Variants in TTC21A observed in about 807,000 individuals in gnomAD.
The protein encoded by TTC21A is tetratricopeptide repeat domain 21A, also known as tetratricopeptide repeat protein 21A.
A neutral mutation model predicts 156.4 loss-of-function variants in TTC21A; 128 were observed. That is an observed-to-expected ratio of 0.82 (90% confidence interval 0.71 to 0.95). TTC21A has a LOEUF of 0.95. Among genes scored for constraint, TTC21A ranks in the 40% least tolerant of loss-of-function variants. The pLI is 0.00. For synonymous variants in TTC21A, 587 were observed against 617.1 expected (o/e 0.95, Z 0.72); for missense variants, 1,435 against 1,602.3 (o/e 0.90, Z 1.78).
Position 39,137,474 on chromosome 3 carries a change from C to T in TTC21A, c.3451-12C>T. On this transcript the variant is annotated splice_polypyrimidine_tract_variant and intron_variant, in intron 25 of 28. Transcript: ENST00000683103. ...AACACGTGCTGACGTCCACTTCCTACCTGGTGTGTAGAAGGACAGCGTCCC... is the reference window on the plus strand; with the variant it reads ...AACACGTGCTGACGTCCACTTCCTATCTGGTGTGTAGAAGGACAGCGTCCC... The T allele has an allele frequency of 6.2e-7, 1 of 1,613,908 alleles. No homozygotes were observed. The highest frequency in any genetic ancestry group is 8.5e-7 in the Non-Finnish European group (1 of 1,179,774).
At position 39,136,493 on chromosome 3, in the gene TTC21A, A is replaced by C; in HGVS notation, c.3081A>C (p.Arg1027Ser). Residue 1027 changes from arginine to serine, a missense_variant, in exon 23 of 29, where the codon AGA (arginine) becomes AGC (serine). By Grantham distance (110) the Arg-to-Ser change is moderately radical (BLOSUM62 -1). Transcript: ENST00000683103. ...VPLEPGFNYC[R>S]GIYCWHIGQP... ...TGGAACCAGGGTTCAATTACTGCAG[A>C]GGTATCTACTGCTGGTGAGTTGGGT... 6.2e-7 allele frequency: 1 copy of C among 1,614,146 alleles called. No individual in the cohort carries two copies. Among genetic ancestry groups the C allele is most frequent in the Non-Finnish European group, 8.5e-7 (1 of 1,179,998 alleles).
chr3:39,135,039 C>G, intron 21 of TTC21A, 54 bp from the exon 22 acceptor site: 1 of 1,469,380 alleles, frequency 6.8e-7, no homozygotes, highest in African/African-American at 1.4e-5. Context: ...TCCCCCTACA[C>G]CCATGCAAGC....
At chr3:39,109,622 T>A (rs188896396) in intron 2 of TTC21A, among the ~76,000 whole-genome samples, 5 of 152,188 alleles carry the variant, frequency 3.3e-5, no homozygotes, top group Admixed American at 2.6e-4. Flanking sequence ...GGGCTGACAT[T>A]CAGAAGGTGG....
At position 39,133,194 on chromosome 3, in the gene TTC21A, T is replaced by C; in HGVS notation, c.2705T>C (p.Val902Ala). Reference protein sequence around the residue: ...YLAEKEYDKAVQSYKDVFSYL... With the variant: ...YLAEKEYDKAAQSYKDVFSYL... ...GCAGAGAAAGAGTATGACAAGGCGG[T>C]ACAGTCTTATAAGGATGTCTTCTCC... Residue 902 changes from valine (V) to alanine (A), a missense_variant, in exon 20 of 29, where the codon GTA becomes GCA. Transcript: ENST00000683103. 6.2e-7 allele frequency: 1 copy of C among 1,614,208 alleles called. No homozygotes were observed. Among genetic ancestry groups the C allele is most frequent in the Non-Finnish European group, 8.5e-7 (1 of 1,180,046 alleles).
In TTC21A at chr3:39,121,050, C is replaced by T. The variant is rs751399928; in HGVS notation, c.954C>T (p.Thr318=). The change falls in exon 9 of 29, where the codon ACC becomes ACT. Residue 318 remains threonine (T), a synonymous_variant. Coordinates refer to ENST00000683103, the MANE Select transcript of TTC21A (RefSeq NM_001366900.1). Reference sequence around the variant, plus strand: ...TAGTGTGTAGTTTCATCGAGCGCACCTTCATGGCCACCCCCTCGTATGTCC... The same window carrying T: ...TAGTGTGTAGTTTCATCGAGCGCACTTTCATGGCCACCCCCTCGTATGTCC... ...LGLVCSFIER[T]FMATPSYVHV... The T allele has an allele frequency of 3.7e-6, 6 of 1,613,880 alleles. No homozygotes were observed. Among genetic ancestry groups the T allele is most frequent in the Middle Eastern group, 1.6e-4 (1 of 6,062 alleles).
chr3:39,136,374 C>T lies in TTC21A; in HGVS notation c.2962C>T (p.His988Tyr). ...TATTTTAGACAATTTTTTGGTATTG[C>T]ATAAATTAATCGATCTGCTAAGAAG... ...EKAPDNFLVL[H>Y]KLIDLLRRSG... The change falls in exon 23 of 29, where the codon CAT becomes TAT. Residue 988 changes from histidine (H) to tyrosine (Y), a missense_variant. Physicochemically the swap from His to Tyr is moderately conservative, Grantham distance 83 (BLOSUM62 2). Transcript: ENST00000683103. 1 of 1,612,986 alleles carries T rather than the reference C, an allele frequency of 6.2e-7. No individual in the cohort carries two copies. Among genetic ancestry groups the T allele is most frequent in the African/African-American group, 1.3e-5 (1 of 74,954 alleles).
intron 7 of TTC21A, 45 bp from the exon 8 acceptor site, chr3:39,119,877 G>C (rs952913355): frequency 7.2e-7 from 1 of 1,396,104 alleles, no homozygotes; most frequent in African/African-American, 1.5e-5. Flanking sequence ...GCGCAACTCT[G>C]ACCTTGCACC....
rs2038695208 is a variant in TTC21A at position 39,131,071 on chromosome 3, A to T, written c.2538A>T (p.Glu846Asp). Residue 846 changes from glutamate to aspartate, a missense_variant, in exon 19 of 29, where the codon GAA becomes GAT. Coordinates refer to ENST00000683103, the MANE Select transcript of TTC21A (RefSeq NM_001366900.1). ...AGGTTTACAAGAGCCATAAAAAAGA[A>T]GCTGTGATAGAAACTTTGAACAAGG... ...LAKVYKSHKK[E>D]AVIETLNKAL... The T allele has an allele frequency of 1.2e-6, 2 of 1,611,040 alleles. No individual in the cohort carries two copies. The highest frequency in any genetic ancestry group is 1.7e-6 in the Non-Finnish European group (2 of 1,180,026).
Position 39,128,828 on chromosome 3 carries a change from A to T in TTC21A, c.1792A>T (p.Lys598Ter). 2 of 1,614,158 alleles carry T rather than the reference A, an allele frequency of 1.2e-6. No homozygotes were observed. Among genetic ancestry groups the T allele is most frequent in the East Asian group, 4.5e-5 (2 of 44,888 alleles). ...AATGGTCATCAAATTGCCAGCTCTG[A>T]AGAAGGAAGAAGGCAGAAAGTTCCT... ...LKMVIKLPAL[K>*]KEEGRKFLRP... Residue 598 changes from lysine (K) to a stop codon, truncating the protein, a stop_gained, in exon 14 of 29, where the codon AAG becomes TAG. Coordinates refer to ENST00000683103, the MANE Select transcript of TTC21A (RefSeq NM_001366900.1). LOFTEE classifies it high-confidence loss of function.
rs776910128 is a variant in TTC21A at position 39,137,662 on chromosome 3, G to C, written c.3627G>C (p.Lys1209Asn). The C allele has an allele frequency of 3.1e-6, 5 of 1,614,082 alleles. No individual in the cohort carries two copies. In the South Asian group the frequency reaches 5.5e-5, roughly 18 times the overall value. ...CTGACATTTACTGCCAGGGCAGCAA[G>C]TTCGACCTCGCCTTAGAACTGCTGC... ...LLADIYCQGS[K>N]FDLALELLRR... Residue 1209 changes from lysine to asparagine, a missense_variant, in exon 26 of 29, where the codon AAG becomes AAC. Lys to Asn is a moderately conservative substitution (Grantham distance 94). Coordinates refer to ENST00000683103, the MANE Select transcript of TTC21A (RefSeq NM_001366900.1).
In TTC21A at chr3:39,137,025, C is replaced by G; in HGVS notation, c.3222C>G (p.Gly1074=). ...ICLNPDNEVV[G]GEAFENQGAE... is the part of the protein sequence containing the mutation. ...TGAATCCAGACAACGAGGTTGTGGG[C>G]GGAGAGGCTTTTGAGAACCAGGGAG... Residue 1074 remains glycine, a synonymous_variant, in exon 24 of 29, where the codon GGC becomes GGG. Coordinates refer to ENST00000683103, the MANE Select transcript of TTC21A (RefSeq NM_001366900.1). 1.2e-6 allele frequency: 2 copies of G among 1,613,944 alleles called. No individual in the cohort carries two copies. Among genetic ancestry groups the G allele is most frequent in the Non-Finnish European group, 1.7e-6 (2 of 1,179,986 alleles).
At chr3:39,119,171 G>A (rs2037532679) in intron 7 of TTC21A, 1 of 152,108 alleles carries the variant, frequency 6.6e-6, no homozygotes, top group Non-Finnish European at 1.5e-5. Flanking sequence ...CACCGACCCC[G>A]GGCTGGCTAC....
At chr3:39,119,360 AT>A (rs2037548307) in intron 7 of TTC21A, 1 of 152,206 alleles carries the variant, frequency 6.6e-6, no homozygotes, top group South Asian at 2.1e-4. Flanking sequence ...CCTCAGACCA[AT>A]TGCCTAACCT....
chr3:39,134,975 G>T lies in TTC21A; in HGVS notation c.2863-118G>T. ...TCACAAGGCCTAGGGAGGCTGCCTT[G>T]CAAGTCCTTTTCTACCTTCCCTTCT... On this transcript the variant is annotated intron_variant, in intron 21 of 28. Transcript: ENST00000683103. This position sits in a 1 kb window ranked among gnomAD's most constrained non-coding sequence, Gnocchi z 4.6. 1.1e-6 allele frequency: 1 copy of T among 892,504 alleles called. No homozygotes were observed. 55.3% of individuals were successfully genotyped at this position (892,504 alleles called of 1,614,324 possible).
At chr3:39,132,208 T>C (rs2038776841) in intron 19 of TTC21A, among the ~76,000 whole-genome samples, 1 of 152,180 alleles carries the variant, frequency 6.6e-6, no homozygotes, top group Admixed American at 6.5e-5. Context: ...AAATACAGTA[T>C]TATAATCTTA....
Position 39,130,098 on chromosome 3 carries a change from C to T in TTC21A, c.2155C>T (p.Pro719Ser). Reference protein sequence around the residue: ...RCYRELCEHLPGPHTSLLLGD... With the variant: ...RCYRELCEHLSGPHTSLLLGD... ...TTGCAGTGAGCTCTGTGAACATCTGCCTGGCCCCCACACCAGCCTGCTACT... is the reference window on the plus strand; with the variant it reads ...TTGCAGTGAGCTCTGTGAACATCTGTCTGGCCCCCACACCAGCCTGCTACT... The change falls in exon 16 of 29, where the codon CCT becomes TCT. Residue 719 changes from proline (P) to serine (S), a missense_variant. Pro to Ser is a moderately conservative substitution (Grantham distance 74). Transcript: ENST00000683103. This position sits in a 1 kb window ranked among gnomAD's most constrained non-coding sequence, Gnocchi z 4.5. 1 of 1,614,122 alleles carries T rather than the reference C, an allele frequency of 6.2e-7. No individual in the cohort carries two copies.
At chr3:39,117,882 G>A (rs116275097) in intron 6 of TTC21A, among the ~76,000 whole-genome samples, 187 bp from the exon 7 acceptor site, 2,660 of 152,300 alleles carry the variant, frequency 0.017, 52 homozygotes, top group African/African-American at 0.048. Flanking sequence ...ATGGCCAAAT[G>A]TAAGCTGCAA....
In TTC21A at chr3:39,138,746, G is replaced by A. The variant is rs2125879826; in HGVS notation, c.3900G>A (p.Arg1300=). 2.5e-6 allele frequency: 4 copies of A among 1,614,116 alleles called. No individual in the cohort carries two copies. The South Asian group carries it at 4.4e-5, about 18-fold the overall frequency. The change falls in exon 29 of 29, where the codon AGG becomes AGA. Residue 1300 remains arginine (R), a synonymous_variant. Coordinates refer to ENST00000683103, the MANE Select transcript of TTC21A (RefSeq NM_001366900.1). ...AGCACCCCGACTACCCCAAGATCAG[G>A]GAGGAAATTTTGGAAAAGGCCCGAA... The part of the protein sequence containing the change: ...LREHPDYPKI[R]EEILEKARRS...
chr3:39,116,956 C>G (rs993448229), intron 6 of TTC21A, among the ~76,000 whole-genome samples: 1 of 152,184 alleles, frequency 6.6e-6, no homozygotes, highest in African/African-American at 2.4e-5. Flanking sequence ...ATCCTCCCAC[C>G]TCAGCATCCC....
Sources: allele counts gnomAD v4.1 joint callset (sites outside exome capture counted in the v4.1 genomes callset), GRCh38; gene constraint gnomAD v4.1.1; non-coding constraint Gnocchi (gnomAD v3.1); transcripts MANE v1.5; gene names NCBI Gene and HGNC (gene_info 2026-07-23, HGNC 2026-07-21).